Variants in VPS13A observed in about 807,000 individuals in gnomAD.
The protein encoded by VPS13A is vacuolar protein sorting 13 homolog A.
Under a neutral mutation model 390.9 loss-of-function variants are expected in VPS13A, and 264 were observed. The ratio of observed to expected loss-of-function variants is 0.68; its 90% CI spans 0.61 to 0.75. The LOEUF (loss-of-function observed/expected upper bound fraction) is 0.75. VPS13A is among the 30% of genes least tolerant of loss of function. The pLI, the probability that VPS13A is intolerant of heterozygous loss-of-function variation, is 0.00. For missense variants in VPS13A, 3,409 were observed against 3,733.9 expected, an observed-to-expected ratio of 0.91 and a Z score of 2.27; for synonymous variants, 1,231 against 1,227.1, an observed-to-expected ratio of 1.00 and a Z score of -0.07.
At chr9:77,350,535 A>T (rs558759512) in intron 52 of VPS13A, among the ~76,000 whole-genome samples, 20 of 152,304 alleles carry the variant, frequency 1.3e-4, no homozygotes, top group Non-Finnish European at 2.8e-4. Flanking sequence ...CAAATTTATG[A>T]CAATTTGACA....
chr9:77,231,428 C>T (rs867546860), intron 17 of VPS13A, among the ~76,000 whole-genome samples: 5 of 152,204 alleles, frequency 3.3e-5, no homozygotes, highest in Middle Eastern at 6.8e-3. Context: ...CCATATCATT[C>T]CCAACACTTG....
chr9:77,305,484 A>G (rs2275551), intron 34 of VPS13A: 3,531 of 153,946 alleles, frequency 0.023, 115 homozygotes, highest in East Asian at 0.12. Context: ...GGCAGTTGCT[A>G]TCCCACTGGG....
chr9:77,239,324 A>G (rs1198077955), intron 19 of VPS13A, among the ~76,000 whole-genome samples: 1 of 152,014 alleles, frequency 6.6e-6, no homozygotes, highest in Non-Finnish European at 1.5e-5. Context: ...CGGGGTTTTA[A>G]TAGAGACCAG....
Position 77,177,569 on chromosome 9 carries a change from G to C in VPS13A, c.-136G>C. On this transcript the variant is annotated 5_prime_UTR_variant, in exon 1 of 72. Transcript: ENST00000360280. ...CTCGCTGGGCTCGCTAGGGCTGCGCGTTGGGCCAGCGGGGGCGCCGCAGCT... is the reference window on the plus strand; with the variant it reads ...CTCGCTGGGCTCGCTAGGGCTGCGCCTTGGGCCAGCGGGGGCGCCGCAGCT... 1.3e-6 allele frequency: 1 copy of C among 773,624 alleles called. No homozygotes were observed. The highest frequency in any genetic ancestry group is 2.2e-6 in the Non-Finnish European group (1 of 457,070). The allele number at this position is 773,624 out of a possible 1,614,324, so 47.9% of individuals were successfully genotyped here. A position where few individuals can be genotyped will look rare whatever the true frequency, so the allele number is the denominator to read the frequency against.
At chr9:77,345,233 A>G (rs1831085036) in intron 52 of VPS13A, 91 bp downstream of exon 52, 5 of 1,348,790 alleles carry the variant, frequency 3.7e-6, no homozygotes, top group Non-Finnish European at 5.3e-6. Flanking sequence ...GAGTATAAAC[A>G]CTGATAATAG....
intron 46 of VPS13A, among the ~76,000 whole-genome samples, 192 bp from the exon 47 acceptor site, chr9:77,337,063 C>T (rs531482434): frequency 2.6e-5 from 4 of 152,064 alleles, no homozygotes; most frequent in Non-Finnish European, 4.4e-5. Flanking sequence ...TCCCAAAGTG[C>T]TGGGATTACA....
chr9:77,383,138 A>G (rs1455716732), intron 68 of VPS13A: 1 of 745,712 alleles, frequency 1.3e-6, no homozygotes, highest in Non-Finnish European at 1.6e-6. Context: ...AAAGATTTAA[A>G]CTTCAGTATT....
chr9:77,263,065 T>A (rs1825845611), intron 23 of VPS13A, among the ~76,000 whole-genome samples: 1 of 152,028 alleles, frequency 6.6e-6, no homozygotes, highest in Non-Finnish European at 1.5e-5. Flanking sequence ...GTAAAAGTGT[T>A]CCTGTTTTGC....
chr9:77,200,093 T>G (rs1326839594), intron 2 of VPS13A, 105 bp downstream of exon 2: 8 of 1,140,746 alleles, frequency 7.0e-6, no homozygotes, highest in Non-Finnish European at 1.0e-5. Flanking sequence ...GAGAAAGTTT[T>G]TTGTAAATAA....
chr9:77,276,624 A>G (rs1025616357), intron 26 of VPS13A, among the ~76,000 whole-genome samples: 2 of 152,228 alleles, frequency 1.3e-5, no homozygotes, highest in Admixed American at 1.3e-4. Context: ...TGTCAGTAGG[A>G]CTTCCTTTTA....
intron 71 of VPS13A, among the ~76,000 whole-genome samples, chr9:77,411,488 C>A (rs1044309548): frequency 6.6e-6 from 1 of 151,640 alleles, no homozygotes; most frequent in African/African-American, 2.4e-5. Flanking sequence ...ATGGTGAAAC[C>A]CCGTCTCTAC....
At chr9:77,321,380 T>C (rs748251225) in intron 43 of VPS13A, 53 bp downstream of exon 43, 10 of 1,580,988 alleles carry the variant, frequency 6.3e-6, no homozygotes, top group Non-Finnish European at 8.7e-6. Flanking sequence ...CTGATTGATC[T>C]GTCTGTTGAA....
In VPS13A at chr9:77,206,058, A is replaced by G; in HGVS notation, c.364A>G (p.Lys122Glu). ...QQELKRIEEA[K>E]QKVVDQEQHL... ...GGAACTGAAAAGAATAGAAGAAGCA[A>G]AACAAAAAGTAGTTGATCAAGGTAA... Residue 122 changes from lysine to glutamate, a missense_variant, in exon 5 of 72, where the codon AAA becomes GAA. Around this residue, in one of 5 missense-constraint regions of VPS13A, gnomAD observed 2,717 missense variants for 2,917.4 expected, o/e 0.93. Transcript: ENST00000360280. 6.3e-7 allele frequency: 1 copy of G among 1,579,602 alleles called. No homozygotes were observed.
Position 77,337,170 on chromosome 9 carries a change from A to C in VPS13A, c.6096-85A>C, listed in dbSNP as rs1830583741. ...TACTACAATATTATGAAAGGAGGTA[A>C]GTTTGTTATTCTAAAGCTGTAATTA... On this transcript the variant is annotated intron_variant, in intron 46 of 71. Coordinates refer to ENST00000360280, the MANE Select transcript of VPS13A (RefSeq NM_033305.3). The C allele has an allele frequency of 5.6e-6, 7 of 1,256,688 alleles. No individual in the cohort carries two copies. The South Asian group carries it at 9.6e-5, about 17-fold the overall frequency. 77.8% of individuals were successfully genotyped at this position (1,256,688 alleles called of 1,614,324 possible).
At chr9:77,385,485 A>G (rs941257727) in intron 68 of VPS13A, among the ~76,000 whole-genome samples, 2 of 152,018 alleles carry the variant, frequency 1.3e-5, no homozygotes, top group Non-Finnish European at 2.9e-5. Context: ...TATCGTAAAC[A>G]TAACTATATA....
chr9:77,413,185 G>A (rs1029130267), intron 71 of VPS13A, among the ~76,000 whole-genome samples: 1 of 152,164 alleles, frequency 6.6e-6, no homozygotes, highest in Non-Finnish European at 1.5e-5. Flanking sequence ...GTAATTTATA[G>A]ATTCAATGCC....
At chr9:77,333,010 A>G (rs1352356009) in intron 46 of VPS13A, among the ~76,000 whole-genome samples, 1 of 152,268 alleles carries the variant, frequency 6.6e-6, no homozygotes, top group East Asian at 1.9e-4. Flanking sequence ...CTTAGTTCAG[A>G]CTTGCTGAGG....
intron 5 of VPS13A, among the ~76,000 whole-genome samples, chr9:77,207,277 A>G (rs1405814992): frequency 7.1e-6 from 1 of 139,940 alleles, no homozygotes; most frequent in Non-Finnish European, 1.6e-5. Context: ...GTAACATAAC[A>G]TGCATATTAT....
chr9:77,177,950 C>T, intron 1 of VPS13A, 146 bp downstream of exon 1: 3 of 668,302 alleles, frequency 4.5e-6, no homozygotes, highest in East Asian at 2.8e-5. Flanking sequence ...GGTCAAGTTA[C>T]GTAAAGCCGG....
Sources: allele counts gnomAD v4.1 joint callset (sites outside exome capture counted in the v4.1 genomes callset), GRCh38; gene constraint gnomAD v4.1.1; regional missense constraint gnomAD v4.1.1; transcripts MANE v1.5; gene names NCBI Gene and HGNC (gene_info 2026-07-23, HGNC 2026-07-21).